The following UMAD1 variants were observed in gnomAD, a reference collection of about 807,000 sequenced individuals.
UMAD1 encodes UBAP1-MVB12-associated (UMA)-domain containing protein 1.
UMAD1 carries 8 observed loss-of-function variants against 6.1 expected under a neutral mutation model. The observed-to-expected ratio is 1.30, with a 90% confidence interval of 0.76 to 2.35. The LOEUF (loss-of-function observed/expected upper bound fraction) is 2.35, where lower values mean the gene tolerates loss of function less well. UMAD1 is among the 30% of genes most tolerant of loss of function. The pLI is 0.00. For missense variants in UMAD1, 130 were observed against 78.4 expected (o/e 1.66, Z -2.49); for synonymous variants, 56 against 31.4 (o/e 1.78, Z -2.61).
Position 7,687,653 on chromosome 7 carries a change from A to G in UMAD1, c.82+14200A>G, listed in dbSNP as rs150805963. ...ACATTATTAAAGAGAATTGCTGCCAAACTCTGGTTGTCAGTTAAATTTGAA... is the reference window on the plus strand; with the variant it reads ...ACATTATTAAAGAGAATTGCTGCCAGACTCTGGTTGTCAGTTAAATTTGAA... On this transcript the variant is annotated intron_variant, in intron 2 of 3. Coordinates refer to ENST00000682710, the MANE Select transcript of UMAD1 (RefSeq NM_001302348.2). Among the ~76,000 whole-genome samples the G allele has an allele frequency of 7.5e-3, 1,146 of 152,324 alleles. 9 individuals carry two copies. The highest frequency in any genetic ancestry group is 0.028 in the South Asian group (134 of 4,824).
At chr7:7,718,470 T>C (rs1053760429) in intron 2 of UMAD1, 3 of 152,172 alleles carry the variant, frequency 2.0e-5, no homozygotes, top group Admixed American at 6.5e-5. Flanking sequence ...TAAGTTATTT[T>C]GAAGGAAAAA....
chr7:7,805,943 A>G (rs6946178), intron 3 of UMAD1, among the ~76,000 whole-genome samples: 139,484 of 152,260 alleles, frequency 0.92, 64,019 homozygotes, highest in African/African-American at 0.97. Context: ...AATGAAAACA[A>G]ACTTTGTATG....
intron 2 of UMAD1, among the ~76,000 whole-genome samples, chr7:7,788,075 T>C (rs1276848898): frequency 6.6e-6 from 1 of 152,214 alleles, no homozygotes; most frequent in African/African-American, 2.4e-5. Context: ...CCAGTCACTT[T>C]ACCAGATGCT....
At chr7:7,840,966 T>C (rs758994) in intron 3 of UMAD1, among the ~76,000 whole-genome samples, 110,055 of 152,072 alleles carry the variant, frequency 0.72, 40,264 homozygotes, top group Middle Eastern at 0.82. Flanking sequence ...CTTCTTTTCT[T>C]ATGTCAAAAA....
chr7:7,826,646 G>T (rs1168915347), intron 3 of UMAD1, among the ~76,000 whole-genome samples: 5 of 152,078 alleles, frequency 3.3e-5, no homozygotes, highest in African/African-American at 9.7e-5. Flanking sequence ...TTACAAGATG[G>T]TCACTGCATC....
At position 7,830,237 on chromosome 7, in the gene UMAD1, C is replaced by T. The variant is rs192364745; in HGVS notation, c.156+28494C>T. On this transcript the variant is annotated intron_variant, in intron 3 of 3. Transcript: ENST00000682710. The surrounding 1 kb of genome is among the most constrained non-coding windows in gnomAD (Gnocchi z 5.3). The stretch of plus-strand genomic sequence containing the variant: ...TGGAATCAACTTGCCATTTCCTAAA[C>T]ATGCGTTGTAATCACACGGCTCTCT... Among the ~76,000 whole-genome samples, 2 of 152,268 alleles carry T rather than the reference C, an allele frequency of 1.3e-5. No homozygotes were observed. Among genetic ancestry groups the T allele is most frequent in the African/African-American group, 4.8e-5 (2 of 41,564 alleles).
In UMAD1 at chr7:7,877,599, G is replaced by A. The variant is rs1423634554; in HGVS notation, c.*61G>A. On this transcript the variant is annotated 3_prime_UTR_variant, in exon 4 of 4. Transcript: ENST00000682710. ...TATGTTCGCCTATTTTATCTAACCT[G>A]TTTGATGTTCTTTGCCGTTTCACTG... is the stretch of plus-strand genomic sequence containing the variant. The A allele has an allele frequency of 1.6e-5, 11 of 682,268 alleles. No individual in the cohort carries two copies. The highest frequency in any genetic ancestry group is 2.7e-5 in the East Asian group (1 of 36,966). 42.3% of individuals were successfully genotyped at this position (682,268 alleles called of 1,614,324 possible).
intron 2 of UMAD1, among the ~76,000 whole-genome samples, chr7:7,772,709 C>T (rs1387980688): frequency 2.0e-5 from 3 of 152,242 alleles, no homozygotes; most frequent in South Asian, 2.1e-4. Flanking sequence ...GTGCCTGCCT[C>T]GTGAAATGGA....
chr7:7,721,338 C>T (rs565395672), intron 2 of UMAD1, among the ~76,000 whole-genome samples: 145 of 152,224 alleles, frequency 9.5e-4, no homozygotes, highest in African/African-American at 3.3e-3. Flanking sequence ...TCACATATTC[C>T]ATATGTGTGC....
At chr7:7,728,512 C>T (rs990557052) in intron 2 of UMAD1, among the ~76,000 whole-genome samples, 8 of 152,004 alleles carry the variant, frequency 5.3e-5, no homozygotes, top group African/African-American at 1.2e-4. Flanking sequence ...GGCGTGGTGG[C>T]GTGCACCTGT....
At chr7:7,688,355 G>C (rs1780087852) in intron 2 of UMAD1, among the ~76,000 whole-genome samples, 1 of 152,150 alleles carries the variant, frequency 6.6e-6, no homozygotes, top group East Asian at 1.9e-4. Flanking sequence ...TCAGAAAGTA[G>C]AATGTGAGAA....
At chr7:7,742,627 C>A in intron 2 of UMAD1, 7 of 367,716 alleles carry the variant, frequency 1.9e-5, no homozygotes, top group Admixed American at 3.3e-5. Flanking sequence ...AGTAATAAGC[C>A]GAAAAGAACC....
intron 2 of UMAD1, among the ~76,000 whole-genome samples, chr7:7,710,064 A>G (rs963791893): frequency 6.6e-6 from 1 of 152,112 alleles, no homozygotes; most frequent in African/African-American, 2.4e-5. Flanking sequence ...TTCTTCAGCA[A>G]TTTGCCTCTC....
At chr7:7,813,185 C>T (rs1783056869) in intron 3 of UMAD1, among the ~76,000 whole-genome samples, 1 of 151,900 alleles carries the variant, frequency 6.6e-6, no homozygotes, top group Admixed American at 6.6e-5. Context: ...GTAGCCAGCC[C>T]CATTCCTTAC....
chr7:7,685,225 A>G (rs142500349), intron 2 of UMAD1, among the ~76,000 whole-genome samples: 91 of 152,190 alleles, frequency 6.0e-4, no homozygotes, highest in African/African-American at 2.0e-3. Context: ...TTAAGTAATT[A>G]TCATATTGAG....
chr7:7,792,646 A>G (rs1782589678), intron 2 of UMAD1, among the ~76,000 whole-genome samples: 1 of 152,212 alleles, frequency 6.6e-6, no homozygotes, highest in South Asian at 2.1e-4. Flanking sequence ...ATGCTGCCAG[A>G]GCATTTAATA....
chr7:7,770,442 C>G (rs1782078258), intron 2 of UMAD1, among the ~76,000 whole-genome samples: 1 of 152,166 alleles, frequency 6.6e-6, no homozygotes, highest in Non-Finnish European at 1.5e-5. Context: ...AAAAACACCA[C>G]TGTTCTCAAG....
At chr7:7,873,006 T>A (rs1187175223) in intron 3 of UMAD1, among the ~76,000 whole-genome samples, 1 of 152,234 alleles carries the variant, frequency 6.6e-6, no homozygotes, top group Non-Finnish European at 1.5e-5. Flanking sequence ...AAATGGGATC[T>A]GGCATTTCTA....
chr7:7,865,237 C>G (rs1307573057), intron 3 of UMAD1, among the ~76,000 whole-genome samples: 4 of 152,218 alleles, frequency 2.6e-5, no homozygotes, highest in Non-Finnish European at 5.9e-5. Flanking sequence ...TGATTGGCAT[C>G]TGAAATGGGC....
Sources: allele counts gnomAD v4.1 joint callset (sites outside exome capture counted in the v4.1 genomes callset), GRCh38; gene constraint gnomAD v4.1.1; non-coding constraint Gnocchi (gnomAD v3.1); transcripts MANE v1.5; gene names NCBI Gene and HGNC (gene_info 2026-07-23, HGNC 2026-07-21).